CSF2RB: variants seen among roughly 807,000 people sequenced by gnomAD.
CSF2RB encodes the protein colony stimulating factor 2 receptor subunit beta, also known as cytokine receptor common subunit beta.
A neutral mutation model predicts 67.2 loss-of-function variants in CSF2RB; 22 were observed. The ratio of observed to expected loss-of-function variants is 0.33; its 90% CI spans 0.23 to 0.47. CSF2RB has a LOEUF of 0.47. Among genes scored for constraint, CSF2RB ranks in the 20% least tolerant of loss-of-function variants. CSF2RB has a pLI of 1.00. For synonymous variants in CSF2RB, 507 were observed against 482.9 expected, an observed-to-expected ratio of 1.05 and a Z score of -0.65; for missense variants, 1,113 against 1,174.5, an observed-to-expected ratio of 0.95 and a Z score of 0.76.
At chr22:36,917,405 T>G (rs898211785) in intron 1 of CSF2RB, among the ~76,000 whole-genome samples, 3 of 152,274 alleles carry the variant, frequency 2.0e-5, no homozygotes, top group African/African-American at 7.2e-5. Context: ...TTCATAAGCT[T>G]GGGAATGTTT....
rs140332744 is a variant in CSF2RB at position 36,936,599 on chromosome 22, C to T, written c.1515C>T (p.Ser505=). The part of the protein sequence containing the change: ...WPPGSMSAFT[S]GSPPHQGPWG... ...CAGGCAGCATGTCGGCCTTCACTAG[C>T]GGGAGTCCCCCACACCAGGGGCCGT... The change falls in exon 13 of 14, where the codon AGC becomes AGT. Residue 505 remains serine, a synonymous_variant. Coordinates refer to ENST00000403662, the MANE Select transcript of CSF2RB (RefSeq NM_000395.3). 7.7e-5 allele frequency: 124 copies of T among 1,613,538 alleles called. No individual in the cohort carries two copies. The African/African-American group carries it at 1.3e-3, about 17-fold the overall frequency.
At position 36,937,907 on chromosome 22, in the gene CSF2RB, G is replaced by C. The variant is rs974700177; in HGVS notation, c.2099G>C (p.Gly700Ala). 15 of 1,614,028 alleles carry C rather than the reference G, an allele frequency of 9.3e-6. No homozygotes were observed. Among genetic ancestry groups the C allele is most frequent in the Non-Finnish European group, 1.2e-5 (14 of 1,180,010 alleles). The change falls in exon 14 of 14, where the codon GGG (glycine) becomes GCG (alanine). Residue 700 changes from glycine to alanine, a missense_variant. Around this residue, in one of 2 missense-constraint regions of CSF2RB, gnomAD observed 554 missense variants for 517.9 expected, o/e 1.07. Transcript: ENST00000403662. This position sits in a 1 kb window ranked among gnomAD's most constrained non-coding sequence, Gnocchi z 4.6. The part of the protein sequence containing the change: ...DSPVAIPMSS[G>A]DTEDPGVASG... ...CCTGTGGCTATACCCATGAGCTCTGGGGACACTGAGGACCCTGGAGTGGCC... is the reference window on the plus strand; with the variant it reads ...CCTGTGGCTATACCCATGAGCTCTGCGGACACTGAGGACCCTGGAGTGGCC...
rs566570956 is a variant in CSF2RB at position 36,932,699 on chromosome 22, A to G, written c.1013-66A>G. ...GGAGACAGCCCCAGTGTCTAGCATG[A>G]GACACGGGGAATGTTCCGTTGGAGG... On this transcript the variant is annotated intron_variant, in intron 8 of 13. Transcript: ENST00000403662. The G allele has an allele frequency of 4.2e-5, 66 of 1,576,590 alleles. No individual in the cohort carries two copies. The South Asian group carries it at 7.4e-4, about 18-fold the overall frequency.
intron 6 of CSF2RB, 102 bp from the exon 7 acceptor site, chr22:36,930,273 C>T: frequency 6.4e-7 from 1 of 1,551,042 alleles, no homozygotes; most frequent in Non-Finnish European, 8.8e-7. Context: ...CTTTTGGCCC[C>T]AGAGCTCATG....
chr22:36,915,222 T>G (rs1454349333), intron 1 of CSF2RB, among the ~76,000 whole-genome samples: 1 of 152,040 alleles, frequency 6.6e-6, no homozygotes, highest in Non-Finnish European at 1.5e-5. Context: ...GTAGCCGGGA[T>G]TACAGGCATG....
Position 36,925,971 on chromosome 22 carries a change from T to C in CSF2RB, c.201-16T>C, listed in dbSNP as rs748695846. ...TACCCATACACCCTGGGCTAAGCCG[T>C]GTCCTCTCCCAACAGGGACCTCCTG... On this transcript the variant is annotated splice_polypyrimidine_tract_variant and intron_variant, in intron 3 of 13. Transcript: ENST00000403662. The C allele has an allele frequency of 3.7e-6, 6 of 1,614,122 alleles. No individual in the cohort carries two copies. The highest frequency in any genetic ancestry group is 5.1e-6 in the Non-Finnish European group (6 of 1,180,002).
At chr22:36,920,066 C>T (rs141641176) in intron 1 of CSF2RB, among the ~76,000 whole-genome samples, 287 of 152,286 alleles carry the variant, frequency 1.9e-3, no homozygotes, top group Non-Finnish European at 3.4e-3. Flanking sequence ...ACATCCCACC[C>T]CTGTTTTCTC....
At chr22:36,930,851 C>A in intron 8 of CSF2RB, 21 bp downstream of exon 8, 1 of 1,614,018 alleles carries the variant, frequency 6.2e-7, no homozygotes, top group Non-Finnish European at 8.5e-7. Context: ...TCCTAGCCCG[C>A]TGTGGGGATG....
rs2145827716 is a variant in CSF2RB, at chr22:36,938,034, C to A, written c.2226C>A (p.Pro742=). Residue 742 remains proline, a synonymous_variant, in exon 14 of 14, where the codon CCC becomes CCA. Coordinates refer to ENST00000403662, the MANE Select transcript of CSF2RB (RefSeq NM_000395.3). ...PSLGLPSDQT[P]SLCPGLASGP... ...TGGGCCTCCCCTCAGACCAGACCCC[C>A]AGCTTATGTCCTGGGCTGGCCAGTG... The A allele has an allele frequency of 6.2e-7, 1 of 1,614,140 alleles. No homozygotes were observed. The highest frequency in any genetic ancestry group is 2.2e-5 in the East Asian group (1 of 44,872).
chr22:36,939,134 G>C lies in CSF2RB; in HGVS notation c.*632G>C. Reference sequence around the variant, plus strand: ...GAAATGGGCATGGTATTGGGGGTCGGGGGGGCGGTGCAAGGGACGCACATG... The same window carrying C: ...GAAATGGGCATGGTATTGGGGGTCGCGGGGGCGGTGCAAGGGACGCACATG... On this transcript the variant is annotated 3_prime_UTR_variant, in exon 14 of 14. Coordinates refer to ENST00000403662, the MANE Select transcript of CSF2RB (RefSeq NM_000395.3). 1 of 702,270 alleles carries C rather than the reference G, an allele frequency of 1.4e-6. No individual in the cohort carries two copies. Among genetic ancestry groups the C allele is most frequent in the Non-Finnish European group, 2.6e-6 (1 of 384,818 alleles). The allele number at this position is 702,270 out of a possible 1,614,324, so 43.5% of individuals were successfully genotyped here.
In CSF2RB at chr22:36,930,604, C is replaced by T; in HGVS notation, c.855-69C>T. On this transcript the variant is annotated intron_variant, in intron 7 of 13. Coordinates refer to ENST00000403662, the MANE Select transcript of CSF2RB (RefSeq NM_000395.3). ...CTGGGGCCCCAGCAGAAGCCACAGC[C>T]CACCCTAAGCTCTCCTCCCTCCCGT... is the stretch of plus-strand genomic sequence containing the variant. 12 of 1,611,244 alleles carry T rather than the reference C, an allele frequency of 7.4e-6. No individual in the cohort carries two copies. The South Asian group carries it at 8.8e-5, about 12-fold the overall frequency.
intron 1 of CSF2RB, among the ~76,000 whole-genome samples, chr22:36,921,217 T>C (rs1465424436): frequency 2.0e-5 from 3 of 151,910 alleles, no homozygotes. Flanking sequence ...GTGTTGTTCA[T>C]GTGTGTATGT....
At position 36,933,594 on chromosome 22, in the gene CSF2RB, G is replaced by A. The variant is rs77811187; in HGVS notation, c.1153-238G>A. The stretch of plus-strand genomic sequence containing the variant: ...GTGGGACAGGTGGCTTCAGGGTTCT[G>A]GGCCTCAGTGTTGTCAATGTCAGGG... On this transcript the variant is annotated intron_variant, in intron 9 of 13. Coordinates refer to ENST00000403662, the MANE Select transcript of CSF2RB (RefSeq NM_000395.3). Among the ~76,000 whole-genome samples, 2,582 of 152,330 alleles carry A rather than the reference G, an allele frequency of 0.017. 39 individuals carry two copies. The highest frequency in any genetic ancestry group is 0.054 in the South Asian group (261 of 4,824).
intron 8 of CSF2RB, among the ~76,000 whole-genome samples, chr22:36,931,622 A>G (rs2145810478): frequency 6.6e-6 from 1 of 152,340 alleles, no homozygotes; most frequent in Admixed American, 6.5e-5. Context: ...TGAAGCTCAG[A>G]GAGGTTGAGT....
At chr22:36,919,307 T>C (rs1469115442) in intron 1 of CSF2RB, among the ~76,000 whole-genome samples, 1 of 152,250 alleles carries the variant, frequency 6.6e-6, no homozygotes, top group Non-Finnish European at 1.5e-5. Context: ...AAGTTTTCTC[T>C]AAGACTTTTC....
In CSF2RB at chr22:36,929,683, G is replaced by A. The variant is rs374827848; in HGVS notation, c.594G>A (p.Gly198=). 133 of 1,614,068 alleles carry A rather than the reference G, an allele frequency of 8.2e-5. No individual in the cohort carries two copies. The highest frequency in any genetic ancestry group is 1.0e-4 in the Non-Finnish European group (122 of 1,180,034). ...CCAACACCTCCCAGGCCACCCTGGG[G>A]CCAGAGCACCTCATGCCCAGCAGCA... ...LLSNTSQATL[G]PEHLMPSSTY... is the part of the protein sequence containing the mutation. Residue 198 remains glycine (G), a synonymous_variant, in exon 6 of 14, where the codon GGG becomes GGA. Transcript: ENST00000403662.
At chr22:36,923,506 C>T in intron 3 of CSF2RB, 139 bp downstream of exon 3, 2 of 1,349,630 alleles carry the variant, frequency 1.5e-6, no homozygotes, top group Non-Finnish European at 2.0e-6. Flanking sequence ...GGAGGGAGGC[C>T]CTGCAAGAGC....
chr22:36,937,563 C>T lies in CSF2RB; in HGVS notation c.1755C>T (p.Ser585=), dbSNP rs965869847. Residue 585 remains serine (S), a synonymous_variant, in exon 14 of 14, where the codon TCC becomes TCT. Transcript: ENST00000403662. This position sits in a 1 kb window ranked among gnomAD's most constrained non-coding sequence, Gnocchi z 4.6. ...AASHTPEKQA[S]SFDFNGPYLG... ...CCCACACACCTGAGAAACAGGCTTC[C>T]AGCTTTGACTTCAATGGGCCCTACC... 6.2e-7 allele frequency: 1 copy of T among 1,612,440 alleles called. No homozygotes were observed. The highest frequency in any genetic ancestry group is 1.7e-5 in the Admixed American group (1 of 59,794).
At position 36,938,468 on chromosome 22, in the gene CSF2RB, C is replaced by G. The variant is rs773535558; in HGVS notation, c.2660C>G (p.Pro887Arg). Residue 887 changes from proline (P) to arginine (R), a missense_variant, in exon 14 of 14, where the codon CCT (proline) becomes CGT (arginine). By Grantham distance (103) the Pro-to-Arg change is moderately radical (BLOSUM62 -2). Transcript: ENST00000403662. ...LKQQDYLSLP[P>R]WEVNKPGEVC is the part of the protein sequence containing the mutation. ...CAGCAGGACTACCTGTCTCTGCCCC[C>G]TTGGGAGGTCAACAAGCCTGGGGAG... 12 of 1,613,816 alleles carry G rather than the reference C, an allele frequency of 7.4e-6. No homozygotes were observed. Among genetic ancestry groups the G allele is most frequent in the Admixed American group, 3.3e-5 (2 of 59,974 alleles).
Sources: gnomAD v4.1 joint callset for allele counts (sites outside exome capture counted in the v4.1 genomes callset) on GRCh38, gnomAD v4.1.1 for gene constraint, gnomAD v4.1.1 regional missense constraint, Gnocchi (gnomAD v3.1) non-coding constraint, MANE v1.5 for transcripts, NCBI Gene and HGNC (gene_info 2026-07-23, HGNC 2026-07-21) for gene names.